The following WWOX variants were observed in gnomAD, a reference collection of about 807,000 sequenced individuals.
WWOX encodes WW domain-containing oxidoreductase.
In WWOX, 69 loss-of-function variants were observed where a neutral mutation model predicts 46.2. The ratio of observed to expected loss-of-function variants is 1.49; its 90% CI spans 1.23 to 1.82. The LOEUF is 1.82. Ranked by LOEUF, WWOX falls within the 40% of genes most tolerant of loss-of-function variation. WWOX has a pLI of 0.00. For missense variants in WWOX, 919 were observed against 542.6 expected, an observed-to-expected ratio of 1.69 and a Z score of -6.89; for synonymous variants, 359 against 202.6, an observed-to-expected ratio of 1.77 and a Z score of -6.56.
chr16:79,135,603 T>C (rs1376469119), intron 8 of WWOX, among the ~76,000 whole-genome samples: 1 of 152,208 alleles, frequency 6.6e-6, no homozygotes, highest in African/African-American at 2.4e-5. Flanking sequence ...AGAAATTCAA[T>C]TGTGGACCAA....
intron 8 of WWOX, among the ~76,000 whole-genome samples, chr16:78,562,724 G>A (rs1360717583): frequency 1.3e-5 from 2 of 152,178 alleles, no homozygotes; most frequent in Non-Finnish European, 2.9e-5. Context: ...CCCCTGAATG[G>A]AGGTGAAAGC....
At chr16:78,729,031 G>A (rs978995238) in intron 8 of WWOX, among the ~76,000 whole-genome samples, 2 of 152,030 alleles carry the variant, frequency 1.3e-5, no homozygotes, top group Admixed American at 1.3e-4. Context: ...AAGATATCCC[G>A]CCCCACCAAA....
At chr16:78,625,803 A>T (rs2046298542) in intron 8 of WWOX, among the ~76,000 whole-genome samples, 1 of 118,014 alleles carries the variant, frequency 8.5e-6, no homozygotes, top group African/African-American at 3.5e-5. Context: ...GTAATGGCAA[A>T]AACTGCAAAA....
rs67780639 is a variant in WWOX, at chr16:78,481,724, AGTGTGTGTGTGT to A, written c.1056+49002_1056+49013del. ...TATGACTTTTGCTCAGGGCAAGGGA[AGTGTGTGTGTGT>A]GTGTGTGTGTGTGTGTGTGTGTGTG... On this transcript the variant is annotated intron_variant, in intron 8 of 8. Transcript: ENST00000566780. 4.0e-3 allele frequency among the ~76,000 whole-genome samples: 553 copies of A among 137,044 alleles called. 4 individuals carry two copies. The highest frequency in any genetic ancestry group is 0.037 in the South Asian group (148 of 3,952). 89.9% of individuals were successfully genotyped at this position (137,044 alleles called of 152,430 possible). A position where few individuals can be genotyped will look rare whatever the true frequency, so the allele number is the denominator to read the frequency against.
chr16:78,812,360 C>T (rs893306360), intron 8 of WWOX, among the ~76,000 whole-genome samples: 4 of 152,050 alleles, frequency 2.6e-5, no homozygotes, highest in African/African-American at 7.2e-5. Context: ...TTTAACATGA[C>T]AGGTCTTATG....
intron 5 of WWOX, among the ~76,000 whole-genome samples, chr16:78,384,348 T>C (rs775933571): frequency 1.8e-4 from 27 of 152,150 alleles, no homozygotes; most frequent in Admixed American, 1.8e-3. Context: ...AAGGTCACTT[T>C]GTTTGCTGAC....
At chr16:78,425,237 T>G (rs374872212) in intron 7 of WWOX, among the ~76,000 whole-genome samples, 182 bp downstream of exon 7, 1 of 152,200 alleles carries the variant, frequency 6.6e-6, no homozygotes, top group African/African-American at 2.4e-5. Flanking sequence ...GGGGACTGTT[T>G]AGAAGGACTT....
chr16:78,634,865 TGTGTGTGTGC>T, intron 8 of WWOX, among the ~76,000 whole-genome samples: 1 of 143,576 alleles, frequency 7.0e-6, no homozygotes, highest in African/African-American at 2.6e-5. Context: ...TGTGTGTGTG[TGTGTGTGTGC>T]GCGTGCATGT....
chr16:78,833,172 T>C (rs1298667712), intron 8 of WWOX, among the ~76,000 whole-genome samples: 1 of 151,996 alleles, frequency 6.6e-6, no homozygotes, highest in Non-Finnish European at 1.5e-5. Flanking sequence ...CTGCCAAGTA[T>C]CTGGGACTAC....
intron 5 of WWOX, among the ~76,000 whole-genome samples, chr16:78,219,392 G>T (rs577846548): frequency 1.3e-5 from 2 of 152,268 alleles, no homozygotes; most frequent in South Asian, 4.1e-4. Context: ...TGGACATTAA[G>T]CAATATCTTT....
intron 5 of WWOX, among the ~76,000 whole-genome samples, chr16:78,327,609 T>C (rs2080655284): frequency 6.6e-6 from 1 of 152,168 alleles, no homozygotes. Context: ...GAAAACCTCT[T>C]TGCCATGACA....
intron 8 of WWOX, among the ~76,000 whole-genome samples, chr16:78,852,931 A>G (rs1187737745): frequency 1.3e-5 from 2 of 152,196 alleles, no homozygotes; most frequent in Non-Finnish European, 2.9e-5. Flanking sequence ...TCTTCTCATC[A>G]TTAAATGACA....
At chr16:79,060,520 T>A (rs2048339658) in intron 8 of WWOX, among the ~76,000 whole-genome samples, 1 of 152,268 alleles carries the variant, frequency 6.6e-6, no homozygotes, top group South Asian at 2.1e-4. Flanking sequence ...CTTATTATAT[T>A]AGACCAGCAC....
In WWOX at chr16:78,859,089, C is replaced by T. The variant is rs1287841597; in HGVS notation, c.1057-352519C>T. ...ATATATATATGAAAAAAAGGACAAA[C>T]GATTTCAGTTGCACAACTATAATCG... On this transcript the variant is annotated intron_variant, in intron 8 of 8. Coordinates refer to ENST00000566780, the MANE Select transcript of WWOX (RefSeq NM_016373.4). 3.6e-5 allele frequency among the ~76,000 whole-genome samples: 4 copies of T among 112,540 alleles called. No homozygotes were observed. The East Asian group carries it at 9.5e-4, about 27-fold the overall frequency. 73.8% of individuals were successfully genotyped at this position (112,540 alleles called of 152,430 possible). A position where few individuals can be genotyped will look rare whatever the true frequency, so the allele number is the denominator to read the frequency against.
chr16:78,658,717 G>C (rs958766661), intron 8 of WWOX, among the ~76,000 whole-genome samples: 1 of 152,032 alleles, frequency 6.6e-6, no homozygotes, highest in Middle Eastern at 3.2e-3. Context: ...CAAGTCATTG[G>C]ATTTAGGGCT....
chr16:78,432,037 C>A (rs1452404958), intron 7 of WWOX, among the ~76,000 whole-genome samples: 1 of 152,000 alleles, frequency 6.6e-6, no homozygotes, highest in East Asian at 1.9e-4. Flanking sequence ...TGTTAAATCA[C>A]CATTGTCAAT....
chr16:78,794,408 A>G (rs1374684872), intron 8 of WWOX, among the ~76,000 whole-genome samples: 1 of 152,186 alleles, frequency 6.6e-6, no homozygotes, highest in Non-Finnish European at 1.5e-5. Context: ...AACAAAATAA[A>G]TAAAAGCTAC....
At chr16:78,459,856 G>C (rs1390082464) in intron 8 of WWOX, among the ~76,000 whole-genome samples, 1 of 151,236 alleles carries the variant, frequency 6.6e-6, no homozygotes, top group African/African-American at 2.4e-5. Flanking sequence ...GGCTGCTGGA[G>C]TGCAGTGGTG....
intron 5 of WWOX, among the ~76,000 whole-genome samples, chr16:78,274,204 A>G (rs933322166): frequency 6.6e-6 from 1 of 151,776 alleles, no homozygotes; most frequent in Non-Finnish European, 1.5e-5. Flanking sequence ...TGAACTCCCC[A>G]TTTCCAGTCC....
Sources: gnomAD v4.1 joint callset for allele counts (sites outside exome capture counted in the v4.1 genomes callset) on GRCh38, gnomAD v4.1.1 for gene constraint, MANE v1.5 for transcripts, NCBI Gene and HGNC (gene_info 2026-07-23, HGNC 2026-07-21) for gene names.